The following ATP6V0A1 variants were observed in gnomAD, a reference collection of about 807,000 sequenced individuals.
ATP6V0A1 encodes the protein ATPase H+ transporting V0 subunit a1, also known as V-type proton ATPase 116 kDa subunit a 1.
In ATP6V0A1, 43 loss-of-function variants were observed where a neutral mutation model predicts 105.4. The observed-to-expected ratio is 0.41, with a 90% confidence interval of 0.32 to 0.53. ATP6V0A1 has a LOEUF of 0.53. Among genes scored for constraint, ATP6V0A1 ranks in the 20% least tolerant of loss-of-function variants. The pLI is 0.30. For missense variants in ATP6V0A1, 676 were observed against 1,051.1 expected, an observed-to-expected ratio of 0.64 and a Z score of 4.93; for synonymous variants, 362 against 372.8, an observed-to-expected ratio of 0.97 and a Z score of 0.33.
intron 10 of ATP6V0A1, among the ~76,000 whole-genome samples, chr17:42,488,889 C>A (rs2090363111): frequency 6.6e-6 from 1 of 151,318 alleles, no homozygotes; most frequent in Non-Finnish European, 1.5e-5. Context: ...GTGGTGGGTG[C>A]CTGTGATCCC....
intron 21 of ATP6V0A1, among the ~76,000 whole-genome samples, chr17:42,516,354 C>T (rs2146334861): frequency 6.6e-6 from 1 of 152,218 alleles, no homozygotes; most frequent in South Asian, 2.1e-4. Context: ...CACTCTTCTT[C>T]AAAAGCCCTG....
chr17:42,470,467 A>C, intron 5 of ATP6V0A1: 1 of 380,556 alleles, frequency 2.6e-6, no homozygotes, highest in Non-Finnish European at 4.9e-6. Context: ...ACCCTGAAGT[A>C]GTTGTATAAA....
At chr17:42,484,103 G>T (rs1163451702) in intron 9 of ATP6V0A1, among the ~76,000 whole-genome samples, 1 of 152,012 alleles carries the variant, frequency 6.6e-6, no homozygotes, top group East Asian at 1.9e-4. Flanking sequence ...TGTCACCCAG[G>T]CTGGAGTGCA....
In ATP6V0A1 at chr17:42,468,106, A is replaced by G. The variant is rs1326764651; in HGVS notation, c.293A>G (p.Glu98Gly). The G allele has an allele frequency of 6.3e-7, 1 of 1,581,476 alleles. No homozygotes were observed. Among genetic ancestry groups the G allele is most frequent in the Non-Finnish European group, 8.6e-7 (1 of 1,161,900 alleles). ...TTCCCCCGGGACATGATTGACTTAG[A>G]GGTAAACACTTCTGGGAAAACCAGA... Reference protein sequence around the residue: ...VPFPRDMIDLEANFEKIENEL... With the variant: ...VPFPRDMIDLGANFEKIENEL... Residue 98 changes from glutamate (E) to glycine (G), a missense_variant and splice_region_variant, in exon 4 of 22, where the codon GAG (glutamate) becomes GGG (glycine). Physicochemically the swap from Glu to Gly is moderately conservative, Grantham distance 98 (BLOSUM62 -2). Around this residue, in one of 3 missense-constraint regions of ATP6V0A1, gnomAD observed 239 missense variants for 388.4 expected, o/e 0.62. Coordinates refer to ENST00000343619, the MANE Select transcript of ATP6V0A1 (RefSeq NM_001130021.3).
chr17:42,478,754 T>G (rs1598800205), intron 7 of ATP6V0A1, 165 bp downstream of exon 7: 7 of 622,212 alleles, frequency 1.1e-5, no homozygotes, highest in Middle Eastern at 5.0e-4. Flanking sequence ...TTAATTCCTG[T>G]CATATATACA....
chr17:42,514,739 C>T (rs2092529913), intron 21 of ATP6V0A1, among the ~76,000 whole-genome samples: 1 of 152,132 alleles, frequency 6.6e-6, no homozygotes, highest in South Asian at 2.1e-4. Context: ...CCCCAGTGCT[C>T]CTGATTTTGG....
At chr17:42,466,084 G>A (rs1396702150) in intron 2 of ATP6V0A1, among the ~76,000 whole-genome samples, 1 of 152,222 alleles carries the variant, frequency 6.6e-6, no homozygotes, top group Non-Finnish European at 1.5e-5. Context: ...TGGAAAGAAA[G>A]AAGGAAAACC....
rs183146451 is a variant in ATP6V0A1, at chr17:42,479,236, A to G, written c.633+647A>G. On this transcript the variant is annotated intron_variant, in intron 7 of 21. Transcript: ENST00000343619. ...CAAGTTTGGTAATATTCATGTATAA[A>G]AAGAGAAGGAGAGATTTCCTAGACT... Among the ~76,000 whole-genome samples the G allele has an allele frequency of 6.4e-4, 97 of 152,358 alleles. No individual in the cohort carries two copies. In the Middle Eastern group the frequency reaches 0.01, roughly 16 times the overall value.
At chr17:42,493,070 AC>A (rs1437140525) in intron 11 of ATP6V0A1, among the ~76,000 whole-genome samples, 3 of 152,176 alleles carry the variant, frequency 2.0e-5, no homozygotes, top group Admixed American at 2.0e-4. Flanking sequence ...CAGCCCTAAA[AC>A]ACCTGGACTT....
intron 11 of ATP6V0A1, among the ~76,000 whole-genome samples, chr17:42,492,525 G>A (rs2090751965): frequency 6.6e-6 from 1 of 151,380 alleles, no homozygotes; most frequent in Non-Finnish European, 1.5e-5. Context: ...TGACCAACAT[G>A]GAGAAACCCC....
At chr17:42,472,463 G>C (rs1007333203) in intron 5 of ATP6V0A1, among the ~76,000 whole-genome samples, 1 of 151,588 alleles carries the variant, frequency 6.6e-6, no homozygotes, top group Non-Finnish European at 1.5e-5. Context: ...GGTGGCTAAC[G>C]CCTATAATCC....
chr17:42,470,649 C>T (rs1047496289), intron 5 of ATP6V0A1: 1 of 164,160 alleles, frequency 6.1e-6, no homozygotes, highest in African/African-American at 2.4e-5. Flanking sequence ...GCTTATAAAC[C>T]TTCGAGCACA....
intron 2 of ATP6V0A1, among the ~76,000 whole-genome samples, chr17:42,463,831 CAT>C (rs1242776818): frequency 6.6e-6 from 1 of 152,128 alleles, no homozygotes; most frequent in Non-Finnish European, 1.5e-5. Context: ...TCGATTAATA[CAT>C]ATTTTGTATG....
chr17:42,478,540 T>C lies in ATP6V0A1; in HGVS notation c.584T>C (p.Val195Ala). Reference protein sequence around the residue: ...RMLWRVCRGNVFLRQAEIENP... With the variant: ...RMLWRVCRGNAFLRQAEIENP... ...CTTTGGCGGGTATGCCGGGGAAATGTGTTCCTGCGACAGGCTGAAATCGAG... is the reference window on the plus strand; with the variant it reads ...CTTTGGCGGGTATGCCGGGGAAATGCGTTCCTGCGACAGGCTGAAATCGAG... The change falls in exon 7 of 22, where the codon GTG (valine) becomes GCG (alanine). Residue 195 changes from valine (V) to alanine (A), a missense_variant. Around this residue, in one of 3 missense-constraint regions of ATP6V0A1, gnomAD observed 239 missense variants for 388.4 expected, o/e 0.62. Transcript: ENST00000343619. 6.2e-7 allele frequency: 1 copy of C among 1,608,938 alleles called. No individual in the cohort carries two copies. Among genetic ancestry groups the C allele is most frequent in the Non-Finnish European group, 8.5e-7 (1 of 1,176,932 alleles).
intron 3 of ATP6V0A1, among the ~76,000 whole-genome samples, chr17:42,467,339 A>T (rs1443236604): frequency 6.6e-6 from 1 of 152,228 alleles, no homozygotes; most frequent in Non-Finnish European, 1.5e-5. Context: ...TGATGGAATC[A>T]GTATTTGAAG....
At chr17:42,466,650 T>C in intron 3 of ATP6V0A1, 143 bp downstream of exon 3, 1 of 671,970 alleles carries the variant, frequency 1.5e-6, no homozygotes, top group Admixed American at 2.8e-5. Context: ...GGTGTATTTC[T>C]CGTATACGAG....
intron 11 of ATP6V0A1, among the ~76,000 whole-genome samples, chr17:42,492,330 C>G (rs1361386346): frequency 6.6e-6 from 1 of 151,800 alleles, no homozygotes; most frequent in African/African-American, 2.4e-5. Context: ...CATCATGCCA[C>G]TGCACTCCAG....
intron 19 of ATP6V0A1, 103 bp downstream of exon 19, chr17:42,508,692 G>A (rs771428574): frequency 6.7e-7 from 1 of 1,497,854 alleles, no homozygotes; most frequent in Non-Finnish European, 9.3e-7. Flanking sequence ...CCATACACAT[G>A]ACTCCTGTGC....
In ATP6V0A1 at chr17:42,490,596, T is replaced by C; in HGVS notation, c.1133T>C (p.Val378Ala). Residue 378 changes from valine to alanine, a missense_variant, in exon 11 of 22, where the codon GTA becomes GCA. This residue lies in a region of ATP6V0A1 where 435 missense variants were observed against 642.2 expected (regional missense o/e 0.68). Coordinates refer to ENST00000343619, the MANE Select transcript of ATP6V0A1 (RefSeq NM_001130021.3). ...NKFTYGFQNI[V>A]DAYGIGTYRE... Reference sequence around the variant, plus strand: ...TTTACCTATGGCTTTCAGAACATAGTAGATGCTTATGGAATTGGAACTTAC... The same window carrying C: ...TTTACCTATGGCTTTCAGAACATAGCAGATGCTTATGGAATTGGAACTTAC... The C allele has an allele frequency of 6.2e-7, 1 of 1,612,042 alleles. No homozygotes were observed. Among genetic ancestry groups the C allele is most frequent in the Non-Finnish European group, 8.5e-7 (1 of 1,179,336 alleles).
Sources: allele counts gnomAD v4.1 joint callset (sites outside exome capture counted in the v4.1 genomes callset), GRCh38; gene constraint gnomAD v4.1.1; regional missense constraint gnomAD v4.1.1; transcripts MANE v1.5; gene names NCBI Gene and HGNC (gene_info 2026-07-23, HGNC 2026-07-21).